Variants in CNTNAP4 observed in about 807,000 individuals in gnomAD.
The protein encoded by CNTNAP4 is contactin associated protein family member 4, also known as contactin-associated protein-like 4.
CNTNAP4 carries 98 observed loss-of-function variants against 148.4 expected under a neutral mutation model. The ratio of observed to expected loss-of-function variants is 0.66; its 90% CI spans 0.56 to 0.78. The LOEUF is 0.78. Ranked by LOEUF, CNTNAP4 falls within the 30% of genes least tolerant of loss-of-function variation. The pLI is 0.00. For missense variants in CNTNAP4, 1,935 were observed against 1,565.6 expected (o/e 1.24, Z -3.98); for synonymous variants, 730 against 565.1 (o/e 1.29, Z -4.14).
chr16:76,439,301 G>GT (rs1216165142), intron 4 of CNTNAP4, among the ~76,000 whole-genome samples: 4 of 152,016 alleles, frequency 2.6e-5, no homozygotes, highest in Non-Finnish European at 4.4e-5. Flanking sequence ...GATCAAAAGA[G>GT]AGATAACTTT....
chr16:76,488,703 T>G (rs1316599751), intron 12 of CNTNAP4, among the ~76,000 whole-genome samples: 1 of 152,236 alleles, frequency 6.6e-6, no homozygotes, highest in Non-Finnish European at 1.5e-5. Context: ...CTCTGTTTTC[T>G]TGTCTACTAA....
intron 16 of CNTNAP4, among the ~76,000 whole-genome samples, 183 bp downstream of exon 16, chr16:76,521,493 G>C (rs942665143): frequency 6.6e-6 from 1 of 152,104 alleles, no homozygotes; most frequent in East Asian, 1.9e-4. Flanking sequence ...CTTAACATGT[G>C]ATAATTTGGG....
chr16:76,401,805 G>A (rs1171509473), intron 3 of CNTNAP4, among the ~76,000 whole-genome samples: 2 of 152,124 alleles, frequency 1.3e-5, no homozygotes, highest in Admixed American at 6.6e-5. Flanking sequence ...ATAATCATGT[G>A]ATTTTTGTCT....
chr16:76,323,609 A>C (rs1962660955), intron 2 of CNTNAP4, among the ~76,000 whole-genome samples: 1 of 152,170 alleles, frequency 6.6e-6, no homozygotes, highest in Non-Finnish European at 1.5e-5. Context: ...TTGATTTAAC[A>C]CCATAGATGA....
intron 2 of CNTNAP4, among the ~76,000 whole-genome samples, chr16:76,318,737 TTAA>T (rs1049454232): frequency 3.2e-4 from 47 of 147,192 alleles, no homozygotes; most frequent in Middle Eastern, 3.5e-3. Context: ...ATTATTTTTA[TTAA>T]TAATAATCAT....
chr16:76,431,022 A>G (rs948784510), intron 4 of CNTNAP4, among the ~76,000 whole-genome samples: 4 of 152,214 alleles, frequency 2.6e-5, no homozygotes, highest in Admixed American at 2.0e-4. Context: ...GGCATGTGCA[A>G]TGTTAGAAAA....
chr16:76,302,531 T>A (rs564731903), intron 1 of CNTNAP4, among the ~76,000 whole-genome samples: 35 of 152,258 alleles, frequency 2.3e-4, no homozygotes, highest in African/African-American at 7.9e-4. Flanking sequence ...CCCATGCTTC[T>A]TATCTCTTTC....
intron 15 of CNTNAP4, among the ~76,000 whole-genome samples, chr16:76,512,131 GT>G (rs2083050671): frequency 6.6e-6 from 1 of 152,206 alleles, no homozygotes; most frequent in African/African-American, 2.4e-5. Context: ...TGGTCCAAGT[GT>G]TTGGAGCAGA....
chr16:76,299,412 C>T (rs1227277502), intron 1 of CNTNAP4, among the ~76,000 whole-genome samples: 1 of 152,096 alleles, frequency 6.6e-6, no homozygotes, highest in Non-Finnish European at 1.5e-5. Context: ...CATCACTGGC[C>T]ATCAGAGAAA....
At chr16:76,514,942 C>A (rs1390460968) in intron 15 of CNTNAP4, among the ~76,000 whole-genome samples, 1 of 152,116 alleles carries the variant, frequency 6.6e-6, no homozygotes, top group African/African-American at 2.4e-5. Flanking sequence ...AGCATTTCAA[C>A]ATTTAAAGCA....
At chr16:76,309,000 C>A (rs1960799164) in intron 1 of CNTNAP4, among the ~76,000 whole-genome samples, 1 of 150,196 alleles carries the variant, frequency 6.7e-6, no homozygotes, top group African/African-American at 2.5e-5. Context: ...AGAGATGGGG[C>A]TTGACATCTT....
intron 3 of CNTNAP4, among the ~76,000 whole-genome samples, chr16:76,417,797 A>T (rs1249788149): frequency 6.6e-6 from 1 of 151,666 alleles, no homozygotes; most frequent in East Asian, 1.9e-4. Context: ...CTCTCGATGC[A>T]TTCCCTCAGT....
At chr16:76,461,510 T>C (rs1209615831) in intron 8 of CNTNAP4, among the ~76,000 whole-genome samples, 1 of 152,230 alleles carries the variant, frequency 6.6e-6, no homozygotes, top group Non-Finnish European at 1.5e-5. Flanking sequence ...TATTTATTAA[T>C]AGTTTATTCC....
rs752625101 is a variant in CNTNAP4 at position 76,539,730 on chromosome 16, A to T, written c.3232A>T (p.Ile1078Phe). The part of the protein sequence containing the change: ...VIIAKNGSLQ[I>F]RYKLNKYQEP... ...TTTCCCCACTCTAGGAAGTTTGCAG[A>T]TCAGGTACAAGTTAAATAAATATCA... Residue 1078 changes from isoleucine to phenylalanine, a missense_variant, in exon 20 of 24, where the codon ATC becomes TTC. Physicochemically the swap from Ile to Phe is conservative, Grantham distance 21. Coordinates refer to ENST00000611870, the MANE Select transcript of CNTNAP4 (RefSeq NM_033401.5). 1 of 1,595,460 alleles carries T rather than the reference A, an allele frequency of 6.3e-7. No individual in the cohort carries two copies. Among genetic ancestry groups the T allele is most frequent in the Non-Finnish European group, 8.5e-7 (1 of 1,174,310 alleles).
chr16:76,381,098 T>G (rs17767045), intron 3 of CNTNAP4, among the ~76,000 whole-genome samples: 27,711 of 152,170 alleles, frequency 0.18, 3,013 homozygotes, highest in East Asian at 0.45. Context: ...ATAAAACTTT[T>G]TTAGGAAGTT....
intron 2 of CNTNAP4, among the ~76,000 whole-genome samples, chr16:76,323,591 C>G (rs1005942269): frequency 6.6e-6 from 1 of 152,070 alleles, no homozygotes; most frequent in Non-Finnish European, 1.5e-5. Context: ...ATTTTTGTGT[C>G]GATTTATTTG....
intron 5 of CNTNAP4, 70 bp downstream of exon 5, chr16:76,448,285 A>G: frequency 1.8e-6 from 2 of 1,104,074 alleles, no homozygotes; most frequent in East Asian, 4.8e-5. Flanking sequence ...TTATGCTTTT[A>G]TAGCTTATCT....
At chr16:76,462,627 C>G (rs909832333) in intron 9 of CNTNAP4, among the ~76,000 whole-genome samples, 2 of 152,314 alleles carry the variant, frequency 1.3e-5, no homozygotes, top group Middle Eastern at 3.4e-3. Context: ...GCCTTCGACA[C>G]CAGCTCATCT....
intron 14 of CNTNAP4, 77 bp downstream of exon 14, chr16:76,495,143 C>A: frequency 1.4e-6 from 2 of 1,465,578 alleles, no homozygotes; most frequent in Non-Finnish European, 9.5e-7. Context: ...GTATAGCTAG[C>A]CAGATACTGA....
Sources: allele counts gnomAD v4.1 joint callset (sites outside exome capture counted in the v4.1 genomes callset), GRCh38; gene constraint gnomAD v4.1.1; transcripts MANE v1.5; gene names NCBI Gene and HGNC (gene_info 2026-07-23, HGNC 2026-07-21).